The following RBMS3 variants were observed in gnomAD, a reference collection of about 807,000 sequenced individuals.
RBMS3 encodes RNA-binding motif, single-stranded-interacting protein 3.
RBMS3 carries 27 observed loss-of-function variants against 66.8 expected under a neutral mutation model. The observed-to-expected ratio is 0.40, with a 90% CI of 0.30 to 0.56. The LOEUF (loss-of-function observed/expected upper bound fraction) is 0.56, where lower values mean the gene tolerates loss of function less well. Among genes scored for constraint, RBMS3 ranks in the 20% least tolerant of loss-of-function variants. RBMS3 has a pLI of 0.40. For synonymous variants in RBMS3, 188 were observed against 183.0 expected (o/e 1.03, Z -0.22); for missense variants, 513 against 549.5 (o/e 0.93, Z 0.66).
chr3:29,449,202 A>G lies in RBMS3; in HGVS notation c.248+14287A>G, dbSNP rs140048598. 5.3e-3 allele frequency among the ~76,000 whole-genome samples: 806 copies of G among 152,318 alleles called. 1 individual carries two copies. The highest frequency in any genetic ancestry group is 9.9e-3 in the Admixed American group (152 of 15,282). ...ATTAAGTACAGAATTCTAACAATAC[A>G]ACATACCTATAATTTGCAGGTTGTG... On this transcript the variant is annotated intron_variant, in intron 2 of 14. Coordinates refer to ENST00000383767, the MANE Select transcript of RBMS3 (RefSeq NM_001003793.3).
intron 2 of RBMS3, among the ~76,000 whole-genome samples, chr3:29,465,342 A>C (rs1167875177): frequency 6.6e-6 from 1 of 152,190 alleles, no homozygotes; most frequent in Admixed American, 6.5e-5. Context: ...AATACATTTT[A>C]ATGAGTGTTT....
At chr3:29,685,144 C>T (rs541208845) in intron 4 of RBMS3, among the ~76,000 whole-genome samples, 2 of 152,158 alleles carry the variant, frequency 1.3e-5, no homozygotes, top group Non-Finnish European at 2.9e-5. Flanking sequence ...CTGCAAGCTC[C>T]GCCTCCCGGG....
At chr3:29,601,557 C>T (rs535598773) in intron 4 of RBMS3, among the ~76,000 whole-genome samples, 35 of 151,950 alleles carry the variant, frequency 2.3e-4, no homozygotes, top group Middle Eastern at 3.4e-3. Context: ...GAACACTATG[C>T]ATTCTAAAAA....
At chr3:29,585,318 C>G (rs561979172) in intron 3 of RBMS3, among the ~76,000 whole-genome samples, 1 of 152,172 alleles carries the variant, frequency 6.6e-6, no homozygotes, top group East Asian at 1.9e-4. Context: ...TGTTTTATTC[C>G]ATGCCATTTA....
chr3:29,378,175 G>T (rs1281041641), intron 1 of RBMS3, among the ~76,000 whole-genome samples: 1 of 152,076 alleles, frequency 6.6e-6, no homozygotes, highest in Non-Finnish European at 1.5e-5. Flanking sequence ...AGAGATAAAA[G>T]TACCTGTCTA....
At chr3:29,897,099 T>G (rs987922165) in intron 8 of RBMS3, among the ~76,000 whole-genome samples, 4 of 151,548 alleles carry the variant, frequency 2.6e-5, no homozygotes, top group Non-Finnish European at 5.9e-5. Context: ...CACTCATGGC[T>G]TTTCTCCTCC....
At chr3:29,590,729 A>G (rs559155225) in intron 4 of RBMS3, among the ~76,000 whole-genome samples, 1 of 152,234 alleles carries the variant, frequency 6.6e-6, no homozygotes, top group East Asian at 1.9e-4. Context: ...CATGAAAAAA[A>G]GTGAAGAAAT....
chr3:29,293,241 C>G (rs2032967947), intron 1 of RBMS3, among the ~76,000 whole-genome samples: 1 of 149,434 alleles, frequency 6.7e-6, no homozygotes, highest in African/African-American at 2.4e-5. Flanking sequence ...TCTGTATGTG[C>G]TCACAAATAT....
chr3:29,503,222 C>A (rs1428396329), intron 3 of RBMS3, among the ~76,000 whole-genome samples: 1 of 151,974 alleles, frequency 6.6e-6, no homozygotes, highest in African/African-American at 2.4e-5. Context: ...CATCCAAACG[C>A]CTGCTAAGGC....
intron 1 of RBMS3, among the ~76,000 whole-genome samples, chr3:29,387,735 T>A (rs2039073672): frequency 6.6e-6 from 1 of 151,972 alleles, no homozygotes; most frequent in Non-Finnish European, 1.5e-5. Flanking sequence ...ACCCCGTCCC[T>A]ACTAAAAAAT....
rs538461452 is a variant in RBMS3, at chr3:29,962,966, T to A, written c.1098+18712T>A. Among the ~76,000 whole-genome samples the A allele has an allele frequency of 7.9e-5, 12 of 152,044 alleles. No homozygotes were observed. The South Asian group carries it at 2.5e-3, about 32-fold the overall frequency. ...TTTATTGTGCATATATTTACTTATC[T>A]CCTGTGCCCTTCACATTGCTTCCAG... On this transcript the variant is annotated intron_variant, in intron 12 of 14. Coordinates refer to ENST00000383767, the MANE Select transcript of RBMS3 (RefSeq NM_001003793.3).
intron 4 of RBMS3, among the ~76,000 whole-genome samples, chr3:29,717,721 G>A (rs922551989): frequency 1.3e-5 from 2 of 152,024 alleles, no homozygotes; most frequent in African/African-American, 2.4e-5. Flanking sequence ...TACTTACCTC[G>A]TAAGTAGTAA....
At chr3:29,612,164 A>G (rs2048515414) in intron 4 of RBMS3, among the ~76,000 whole-genome samples, 1 of 152,090 alleles carries the variant, frequency 6.6e-6, no homozygotes, top group Admixed American at 6.6e-5. Context: ...ATTGATTGTT[A>G]TTATGAATAA....
chr3:29,526,520 C>CAAAAAAAAA (rs61483868), intron 3 of RBMS3, among the ~76,000 whole-genome samples: 2 of 35,950 alleles, frequency 5.6e-5, no homozygotes, highest in Non-Finnish European at 1.1e-4. Flanking sequence ...GACTCCATCT[C>CAAAAAAAAA]AAAAAAAAAA....
chr3:29,345,029 C>T (rs189609129), intron 1 of RBMS3, among the ~76,000 whole-genome samples: 272 of 152,238 alleles, frequency 1.8e-3, no homozygotes, highest in African/African-American at 6.1e-3. Context: ...CTGATAACAC[C>T]ATTTAGCCAA....
chr3:29,549,801 C>T (rs2046118964), intron 3 of RBMS3, among the ~76,000 whole-genome samples: 1 of 152,094 alleles, frequency 6.6e-6, no homozygotes, highest in Admixed American at 6.6e-5. Context: ...AAAAAAAAAT[C>T]TAATATATGG....
chr3:29,426,234 G>T (rs2040954048), intron 1 of RBMS3, among the ~76,000 whole-genome samples: 1 of 152,158 alleles, frequency 6.6e-6, no homozygotes, highest in South Asian at 2.1e-4. Flanking sequence ...AGAAGAATTG[G>T]GCAAAGACCA....
chr3:29,861,663 T>G (rs2059220135), intron 6 of RBMS3, among the ~76,000 whole-genome samples: 2 of 152,238 alleles, frequency 1.3e-5, no homozygotes, highest in African/African-American at 4.8e-5. Flanking sequence ...TTAATTTTGA[T>G]AAGCAAAATC....
At chr3:29,664,778 A>G (rs528888798) in intron 4 of RBMS3, among the ~76,000 whole-genome samples, 12 of 152,248 alleles carry the variant, frequency 7.9e-5, no homozygotes, top group African/African-American at 2.6e-4. Context: ...TTAAAACCCT[A>G]TTCTATATGT....
Sources: gnomAD v4.1 joint callset for allele counts (sites outside exome capture counted in the v4.1 genomes callset) on GRCh38, gnomAD v4.1.1 for gene constraint, MANE v1.5 for transcripts, NCBI Gene and HGNC (gene_info 2026-07-23, HGNC 2026-07-21) for gene names.